PPT1: variants seen among roughly 807,000 people sequenced by gnomAD.
PPT1 encodes ceroid-palmitoyl-palmitoyl-protein thioesterase 1.
A neutral mutation model predicts 44.0 loss-of-function variants in PPT1; 24 were observed. That is an observed-to-expected ratio of 0.54 (90% CI 0.39 to 0.77). PPT1 has a LOEUF of 0.77. Ranked by LOEUF, PPT1 falls within the 30% of genes least tolerant of loss-of-function variation. The pLI is 0.00. For synonymous variants in PPT1, 148 were observed against 140.2 expected, an observed-to-expected ratio of 1.06 and a Z score of -0.39; for missense variants, 341 against 378.8, an observed-to-expected ratio of 0.90 and a Z score of 0.83.
chr1:40,091,681 T>C (rs1649569927), intron 3 of PPT1, among the ~76,000 whole-genome samples: 1 of 151,932 alleles, frequency 6.6e-6, no homozygotes, highest in African/African-American at 2.4e-5. Context: ...CTAGACAACA[T>C]GGTAAAACCC....
intron 4 of PPT1, among the ~76,000 whole-genome samples, chr1:40,089,862 C>A (rs1649460953): frequency 6.6e-6 from 1 of 151,556 alleles, no homozygotes; most frequent in African/African-American, 2.4e-5. Context: ...CCCAGTTATA[C>A]TTCATCCTTA....
At chr1:40,074,237 A>G (rs1648451659) in intron 8 of PPT1, 54 bp from the exon 9 acceptor site, 1 of 1,604,000 alleles carries the variant, frequency 6.2e-7, no homozygotes, top group African/African-American at 1.3e-5. Flanking sequence ...TTTTGGAGTA[A>G]AATGGTAAGT....
intron 4 of PPT1, among the ~76,000 whole-genome samples, chr1:40,090,844 TC>T (rs1446954144): frequency 5.5e-5 from 3 of 54,840 alleles, no homozygotes; most frequent in Non-Finnish European, 1.3e-4. Flanking sequence ...GCTATACCCA[TC>T]AACAACAGAG....
chr1:40,072,281 T>C (rs1450794462), downstream of PPT1: 1 of 383,242 alleles, frequency 2.6e-6, no homozygotes, highest in Non-Finnish European at 4.6e-6. Context: ...ACCCACATGA[T>C]TTCAAGGAGT....
At chr1:40,072,397 G>C, downstream of PPT1, 1 of 257,766 alleles carries the variant, frequency 3.9e-6, no homozygotes, top group Admixed American at 5.4e-5. Context: ...CTAAGCACCT[G>C]AACAGAGGAC....
chr1:40,087,846 G>A (rs1160170855), intron 5 of PPT1, among the ~76,000 whole-genome samples: 1 of 151,940 alleles, frequency 6.6e-6, no homozygotes, highest in Non-Finnish European at 1.5e-5. Context: ...AAAAAAAGGA[G>A]CTAGAGGTAC....
intron 2 of PPT1, 26 bp from the exon 3 acceptor site, chr1:40,092,198 A>G (rs375196995): frequency 1.3e-5 from 21 of 1,613,958 alleles, no homozygotes; most frequent in South Asian, 6.6e-5. Context: ...GAGAGAAGTG[A>G]GAGGATGGGA....
At chr1:40,079,293 T>G (rs1176321927) in intron 6 of PPT1, among the ~76,000 whole-genome samples, 1 of 152,106 alleles carries the variant, frequency 6.6e-6, no homozygotes, top group African/African-American at 2.4e-5. Flanking sequence ...TGAACAGTGC[T>G]GCAATAAACA....
chr1:40,083,068 C>T lies in PPT1; in HGVS notation c.537-2581G>A, dbSNP rs146011387. Reference sequence around the variant, plus strand: ...CAAATGGAACACAAAGCCTGGATGACAGCAGATCTGTTTACAGTGTGGTTT... The same window carrying T: ...CAAATGGAACACAAAGCCTGGATGATAGCAGATCTGTTTACAGTGTGGTTT... On this transcript the variant is annotated intron_variant, in intron 5 of 8. Transcript: ENST00000642050. Among the ~76,000 whole-genome samples, 623 of 152,328 alleles carry T rather than the reference C, an allele frequency of 4.1e-3. 7 individuals carry two copies. Among genetic ancestry groups the T allele is most frequent in the African/African-American group, 0.015 (605 of 41,572 alleles).
chr1:40,090,544 A>G (rs1289401915), intron 4 of PPT1, among the ~76,000 whole-genome samples: 1 of 152,224 alleles, frequency 6.6e-6, no homozygotes, highest in Non-Finnish European at 1.5e-5. Flanking sequence ...TTCCTGGCAT[A>G]TAATAGGTTT....
At chr1:40,088,217 C>T (rs1472778499) in intron 5 of PPT1, among the ~76,000 whole-genome samples, 1 of 151,554 alleles carries the variant, frequency 6.6e-6, no homozygotes, top group Non-Finnish European at 1.5e-5. Flanking sequence ...AATCTCGGCT[C>T]ACTGCAAGCT....
intron 5 of PPT1, among the ~76,000 whole-genome samples, chr1:40,086,104 T>C (rs1649245967): frequency 6.6e-6 from 1 of 152,132 alleles, no homozygotes; most frequent in Non-Finnish European, 1.5e-5. Context: ...GGAAGGCAAG[T>C]TGCTATGAAA....
At chr1:40,078,728 G>C (rs1648765226) in intron 6 of PPT1, 70 bp from the exon 7 acceptor site, 1 of 1,317,454 alleles carries the variant, frequency 7.6e-7, no homozygotes. Context: ...AAGCCTTCCT[G>C]TTTTCTGGTC....
chr1:40,095,038 G>A (rs546846212), intron 1 of PPT1, among the ~76,000 whole-genome samples: 3 of 152,220 alleles, frequency 2.0e-5, no homozygotes, highest in South Asian at 2.1e-4. Context: ...TCACTATCAC[G>A]ACTCTCCCAA....
chr1:40,094,993 T>C (rs2124491689), intron 1 of PPT1, among the ~76,000 whole-genome samples: 1 of 152,310 alleles, frequency 6.6e-6, no homozygotes, highest in Admixed American at 6.5e-5. Context: ...CTAATTACTC[T>C]GAATATTTTT....
intron 3 of PPT1, 38 bp downstream of exon 3, chr1:40,092,007 T>C: frequency 6.2e-7 from 1 of 1,610,104 alleles, no homozygotes; most frequent in Non-Finnish European, 8.5e-7. Flanking sequence ...AAAAATCAAT[T>C]CCATATAAGT....
intron 6 of PPT1, 140 bp from the exon 7 acceptor site, chr1:40,078,798 T>G (rs1222942153): frequency 1.3e-6 from 1 of 745,986 alleles, no homozygotes; most frequent in Non-Finnish European, 2.4e-6. Flanking sequence ...TCCAGCTTCC[T>G]GACCAGGATA....
At chr1:40,091,519 T>A in intron 3 of PPT1, 120 bp from the exon 4 acceptor site, 1 of 900,524 alleles carries the variant, frequency 1.1e-6, no homozygotes, top group Non-Finnish European at 1.8e-6. Flanking sequence ...AGTTTCAGGA[T>A]TTTCCTGATA....
chr1:40,093,342 A>G (rs1409197575), intron 1 of PPT1, among the ~76,000 whole-genome samples: 1 of 150,948 alleles, frequency 6.6e-6, no homozygotes, highest in Non-Finnish European at 1.5e-5. Flanking sequence ...AGATACAGAA[A>G]ACTAAGCTGG....
Sources: gnomAD v4.1 joint callset for allele counts (sites outside exome capture counted in the v4.1 genomes callset) on GRCh38, gnomAD v4.1.1 for gene constraint, MANE v1.5 for transcripts, NCBI Gene and HGNC (gene_info 2026-07-23, HGNC 2026-07-21) for gene names.